Variants in GAB2 observed in about 807,000 individuals in gnomAD.
GAB2 encodes the protein GRB2 associated binding protein 2.
Under a neutral mutation model 65.5 loss-of-function variants are expected in GAB2, and 26 were observed. That is an observed-to-expected ratio of 0.40 (90% CI 0.29 to 0.55). The LOEUF (loss-of-function observed/expected upper bound fraction) is 0.55, where lower values mean the gene tolerates loss of function less well. Ranked by LOEUF, GAB2 falls within the 20% of genes least tolerant of loss-of-function variation. The pLI, the probability that GAB2 is intolerant of heterozygous loss-of-function variation, is 0.53. For synonymous variants in GAB2, 321 were observed against 329.6 expected (o/e 0.97, Z 0.28); for missense variants, 884 against 875.8 (o/e 1.01, Z -0.12).
intron 1 of GAB2, among the ~76,000 whole-genome samples, chr11:78,382,859 T>A (rs1856715661): frequency 6.6e-6 from 1 of 152,240 alleles, no homozygotes; most frequent in Non-Finnish European, 1.5e-5. Context: ...CAGTATGAGA[T>A]GAAAACTAGA....
chr11:78,363,586 C>T lies in GAB2; in HGVS notation c.75+54060G>A, dbSNP rs564267367. ...TAAAAGATAAATAGAAATATATTTT[C>T]TTTTTTTTTTTTTTTTGAGACAGGG... On this transcript the variant is annotated intron_variant, in intron 1 of 9. Coordinates refer to ENST00000361507, the MANE Select transcript of GAB2 (RefSeq NM_080491.3). 7.3e-4 allele frequency among the ~76,000 whole-genome samples: 99 copies of T among 135,424 alleles called. 1 individual carries two copies. The highest frequency in any genetic ancestry group is 2.3e-3 in the African/African-American group (81 of 35,926). 88.8% of individuals were successfully genotyped at this position (135,424 alleles called of 152,430 possible). A position where few individuals can be genotyped will look rare whatever the true frequency, so the allele number is the denominator to read the frequency against.
chr11:78,397,134 C>A (rs1856912326), intron 1 of GAB2, among the ~76,000 whole-genome samples: 1 of 151,988 alleles, frequency 6.6e-6, no homozygotes, highest in Non-Finnish European at 1.5e-5. Context: ...CAAAAAAATT[C>A]CATGTTTAAT....
At chr11:78,378,769 C>T (rs192298061) in intron 1 of GAB2, among the ~76,000 whole-genome samples, 25 of 152,272 alleles carry the variant, frequency 1.6e-4, no homozygotes, top group Admixed American at 4.6e-4. Context: ...GGGATTATAA[C>T]CACGAGCCAC....
intron 1 of GAB2, among the ~76,000 whole-genome samples, chr11:78,414,407 A>C (rs993775509): frequency 5.9e-5 from 9 of 152,208 alleles, no homozygotes; most frequent in African/African-American, 1.7e-4. Flanking sequence ...ACTTTCTTCA[A>C]GTTAGCCACT....
intron 3 of GAB2, among the ~76,000 whole-genome samples, chr11:78,232,716 G>GT (rs1368735237): frequency 6.6e-6 from 1 of 152,110 alleles, no homozygotes; most frequent in Admixed American, 6.5e-5. Context: ...TTAATTTACT[G>GT]TATCTTTACA....
intron 1 of GAB2, among the ~76,000 whole-genome samples, chr11:78,383,190 T>A (rs909599664): frequency 6.6e-6 from 1 of 152,258 alleles, no homozygotes; most frequent in African/African-American, 2.4e-5. Flanking sequence ...AAGAATCGCT[T>A]GAACCTGGGA....
chr11:78,239,332 T>C (rs1307132566), intron 3 of GAB2, among the ~76,000 whole-genome samples: 3 of 152,222 alleles, frequency 2.0e-5, no homozygotes, highest in Non-Finnish European at 2.9e-5. Flanking sequence ...GCGATTCTCC[T>C]GCCTCAGCCT....
In GAB2 at chr11:78,371,639, C is replaced by G. The variant is rs371884742; in HGVS notation, c.75+46007G>C. Among the ~76,000 whole-genome samples, 19 of 152,320 alleles carry G rather than the reference C, an allele frequency of 1.2e-4. No homozygotes were observed. The East Asian group carries it at 1.5e-3, about 12-fold the overall frequency. On this transcript the variant is annotated intron_variant, in intron 1 of 9. Transcript: ENST00000361507. ...GATGGGATTATTTCTTTGGTGTCCA[C>G]CTTTGCTGTCTAGTACAGTTCATGC...
intron 1 of GAB2, among the ~76,000 whole-genome samples, chr11:78,390,231 G>A (rs982256886): frequency 2.6e-5 from 4 of 152,162 alleles, no homozygotes; most frequent in Admixed American, 6.5e-5. Flanking sequence ...CAGGCTTGGC[G>A]AGGCTATTGC....
chr11:78,260,838 G>T (rs1451782011), intron 2 of GAB2, among the ~76,000 whole-genome samples: 1 of 152,140 alleles, frequency 6.6e-6, no homozygotes, highest in Non-Finnish European at 1.5e-5. Context: ...TCATAAATCT[G>T]TCATGTGAAG....
intron 1 of GAB2, among the ~76,000 whole-genome samples, chr11:78,370,457 A>G (rs1216864361): frequency 6.6e-6 from 1 of 152,144 alleles, no homozygotes; most frequent in African/African-American, 2.4e-5. Context: ...GTGATGGGCA[A>G]GATGTTTTTT....
intron 1 of GAB2, among the ~76,000 whole-genome samples, chr11:78,365,241 A>G (rs1856482260): frequency 6.6e-6 from 1 of 152,204 alleles, no homozygotes; most frequent in Admixed American, 6.5e-5. Flanking sequence ...AGCCACCAGT[A>G]AGGCAGGCAT....
At chr11:78,395,933 C>A (rs1027720429) in intron 1 of GAB2, among the ~76,000 whole-genome samples, 2 of 152,178 alleles carry the variant, frequency 1.3e-5, no homozygotes, top group African/African-American at 4.8e-5. Context: ...TAGGGATCTG[C>A]AAAGCCAGTA....
At chr11:78,222,278 GT>G in intron 6 of GAB2, 83 bp from the exon 7 acceptor site, 1 of 865,130 alleles carries the variant, frequency 1.2e-6, no homozygotes, top group South Asian at 1.4e-5. Context: ...ACATGAGCAT[GT>G]TTATAAAGGC....
chr11:78,401,800 C>G (rs1403258577), intron 1 of GAB2, among the ~76,000 whole-genome samples: 6 of 152,018 alleles, frequency 3.9e-5, no homozygotes, highest in African/African-American at 1.2e-4. Context: ...AAGTTCTGAT[C>G]CAATGTGAAT....
chr11:78,229,434 AG>A (rs1336530806), intron 3 of GAB2, among the ~76,000 whole-genome samples: 1 of 152,166 alleles, frequency 6.6e-6, no homozygotes, highest in African/African-American at 2.4e-5. Context: ...TGGGGTTGCA[AG>A]AGCATCACAG....
chr11:78,222,846 G>A lies in GAB2; in HGVS notation c.1567+566C>T, dbSNP rs138095565. Among the ~76,000 whole-genome samples, 932 of 152,314 alleles carry A rather than the reference G, an allele frequency of 6.1e-3. 9 individuals are homozygous for A. Among genetic ancestry groups the A allele is most frequent in the African/African-American group, 0.021 (876 of 41,566 alleles). On this transcript the variant is annotated intron_variant, in intron 6 of 9. Transcript: ENST00000361507. Reference sequence around the variant, plus strand: ...GATCCACTCGCCTCAGCCTCCCAAAGTGTTGGGGTTACAGGCGTACAGGCG... The same window carrying A: ...GATCCACTCGCCTCAGCCTCCCAAAATGTTGGGGTTACAGGCGTACAGGCG...
chr11:78,310,669 A>G (rs1855481085), intron 1 of GAB2, among the ~76,000 whole-genome samples: 1 of 152,206 alleles, frequency 6.6e-6, no homozygotes, highest in Non-Finnish European at 1.5e-5. Flanking sequence ...GGAAACTCAG[A>G]TATTAATAGT....
intron 3 of GAB2, among the ~76,000 whole-genome samples, chr11:78,244,618 T>C (rs998961070): frequency 1.9e-5 from 2 of 103,658 alleles, no homozygotes; most frequent in African/African-American, 7.5e-5. Context: ...TAGCTGAAAA[T>C]AGTTATCTTT....
Sources: gnomAD v4.1 joint callset for allele counts (sites outside exome capture counted in the v4.1 genomes callset) on GRCh38, gnomAD v4.1.1 for gene constraint, MANE v1.5 for transcripts, NCBI Gene and HGNC (gene_info 2026-07-23, HGNC 2026-07-21) for gene names.